GRIP1: variants seen among roughly 807,000 people sequenced by gnomAD.
The protein encoded by GRIP1 is glutamate receptor-interacting protein 1.
Under a neutral mutation model 129.9 loss-of-function variants are expected in GRIP1, and 45 were observed. The observed-to-expected ratio is 0.35, with a 90% CI of 0.27 to 0.44. The LOEUF is 0.44. Among genes scored for constraint, GRIP1 ranks in the 20% least tolerant of loss-of-function variants. The pLI is 1.00. For missense variants in GRIP1, 1,196 were observed against 1,396.8 expected (o/e 0.86, Z 2.29); for synonymous variants, 530 against 520.8 (o/e 1.02, Z -0.24).
intron 1 of GRIP1, among the ~76,000 whole-genome samples, chr12:66,826,763 T>TTTTTTTTTTTTTTTTTTTTTTTTTTTTG (rs1566041031): frequency 6.6e-6 from 1 of 152,018 alleles, no homozygotes; most frequent in African/African-American, 2.4e-5. Context: ...CACAAAATTC[T>TTTTTTTTTTTTTTTTTTTTTTTTTTTTG]AAATGCCATT....
intron 1 of GRIP1, among the ~76,000 whole-genome samples, chr12:67,068,870 C>CCAAAA (rs2043683586): frequency 9.8e-6 from 1 of 101,698 alleles, no homozygotes; most frequent in Admixed American, 9.3e-5. Context: ...CCCCCCCCCG[C>CCAAAA]AAAAAAAATG....
chr12:67,052,733 G>A (rs934026754), intron 1 of GRIP1, among the ~76,000 whole-genome samples: 55 of 144,524 alleles, frequency 3.8e-4, no homozygotes, highest in African/African-American at 1.3e-3. Flanking sequence ...GCACTCCAGC[G>A]TGGGTAACAG....
intron 1 of GRIP1, among the ~76,000 whole-genome samples, chr12:66,662,821 C>T (rs1357291263): frequency 1.3e-5 from 2 of 152,158 alleles, no homozygotes; most frequent in African/African-American, 2.4e-5. Flanking sequence ...TCGATTACTG[C>T]TCTACCCTTC....
chr12:66,392,230 A>G (rs529739089), intron 19 of GRIP1, 78 bp downstream of exon 19: 5 of 867,396 alleles, frequency 5.8e-6, no homozygotes, highest in Non-Finnish European at 9.9e-6. Context: ...TATTCTCCTC[A>G]TGGAGCAGAG....
intron 1 of GRIP1, among the ~76,000 whole-genome samples, chr12:66,724,873 T>C (rs980579982): frequency 6.6e-6 from 1 of 152,202 alleles, no homozygotes; most frequent in Non-Finnish European, 1.5e-5. Flanking sequence ...GGCTTGTCTA[T>C]ATCTGACTGC....
At chr12:66,988,297 T>C (rs2042343880) in intron 1 of GRIP1, among the ~76,000 whole-genome samples, 1 of 152,152 alleles carries the variant, frequency 6.6e-6, no homozygotes, top group African/African-American at 2.4e-5. Flanking sequence ...ATAATAATAA[T>C]AAATAAACAG....
chr12:66,566,572 T>G (rs1396577306), intron 2 of GRIP1, among the ~76,000 whole-genome samples: 1 of 152,206 alleles, frequency 6.6e-6, no homozygotes, highest in Non-Finnish European at 1.5e-5. Context: ...GATATTGGTC[T>G]AAAATTCTTT....
At chr12:66,740,938 T>C (rs1400516053) in intron 1 of GRIP1, among the ~76,000 whole-genome samples, 2 of 152,176 alleles carry the variant, frequency 1.3e-5, no homozygotes, top group Non-Finnish European at 2.9e-5. Context: ...ATATGTGATA[T>C]GGGCACATAT....
At chr12:66,629,519 A>T (rs1246304726) in intron 1 of GRIP1, among the ~76,000 whole-genome samples, 1 of 152,238 alleles carries the variant, frequency 6.6e-6, no homozygotes, top group Admixed American at 6.5e-5. Flanking sequence ...TATAATCTTG[A>T]GTCGTAATAT....
At chr12:67,050,217 T>C (rs2135846824) in intron 1 of GRIP1, among the ~76,000 whole-genome samples, 1 of 152,350 alleles carries the variant, frequency 6.6e-6, no homozygotes, top group African/African-American at 2.4e-5. Flanking sequence ...ATATTAAATC[T>C]TCACGCAACT....
intron 1 of GRIP1, among the ~76,000 whole-genome samples, chr12:66,954,393 T>C (rs2041807638): frequency 6.6e-6 from 1 of 152,180 alleles, no homozygotes; most frequent in Non-Finnish European, 1.5e-5. Context: ...TGTGTGCAAT[T>C]TCTCCTAGAA....
chr12:66,355,626 C>T (rs139378052), intron 23 of GRIP1, among the ~76,000 whole-genome samples: 231 of 152,182 alleles, frequency 1.5e-3, no homozygotes, highest in Non-Finnish European at 2.9e-3. Flanking sequence ...TAGGTTCACA[C>T]TGTGTGGTTG....
In GRIP1 at chr12:67,018,346, G is replaced by A. The variant is rs140936745; in HGVS notation, c.58+50704C>T. Among the ~76,000 whole-genome samples the A allele has an allele frequency of 3.3e-5, 5 of 152,208 alleles. No individual in the cohort carries two copies. The East Asian group carries it at 5.8e-4, about 18-fold the overall frequency. On this transcript the variant is annotated intron_variant, in intron 1 of 1. Coordinates refer to the GRIP1 transcript ENST00000643019. ...GGGCACTAATGTCCCTTGTGTCTGCGACTCCCATTGGTCCTACACACTCAC... is the reference window on the plus strand; with the variant it reads ...GGGCACTAATGTCCCTTGTGTCTGCAACTCCCATTGGTCCTACACACTCAC...
At chr12:66,854,496 C>T (rs2039969831) in intron 1 of GRIP1, among the ~76,000 whole-genome samples, 1 of 151,832 alleles carries the variant, frequency 6.6e-6, no homozygotes. Flanking sequence ...GGGGGCTTTG[C>T]TGGAACTAGA....
chr12:66,560,528 A>T (rs1718855092), intron 2 of GRIP1, among the ~76,000 whole-genome samples: 1 of 152,218 alleles, frequency 6.6e-6, no homozygotes, highest in Non-Finnish European at 1.5e-5. Flanking sequence ...TTGATTAGAC[A>T]TTTCTCAAAA....
At chr12:66,593,898 C>T (rs556392247) in intron 2 of GRIP1, among the ~76,000 whole-genome samples, 2 of 151,832 alleles carry the variant, frequency 1.3e-5, no homozygotes, top group Non-Finnish European at 2.9e-5. Flanking sequence ...GAAACCCCGT[C>T]TCTACTAAAA....
chr12:66,930,127 T>C lies in GRIP1; in HGVS notation c.58+138923A>G, dbSNP rs141916094. ...ACTCTTTTTTTTTTATTATTACACTTTAAGTTTTAGGGTACATGTGCACAT... is the reference window on the plus strand; with the variant it reads ...ACTCTTTTTTTTTTATTATTACACTCTAAGTTTTAGGGTACATGTGCACAT... On this transcript the variant is annotated intron_variant, in intron 1 of 1. Coordinates refer to the GRIP1 transcript ENST00000643019. Among the ~76,000 whole-genome samples the C allele has an allele frequency of 4.3e-3, 649 of 151,470 alleles. 3 individuals are homozygous for C. The highest frequency in any genetic ancestry group is 0.014 in the African/African-American group (562 of 41,238).
chr12:66,521,772 C>G (rs926541889), intron 5 of GRIP1, among the ~76,000 whole-genome samples: 3 of 152,156 alleles, frequency 2.0e-5, no homozygotes, highest in Non-Finnish European at 2.9e-5. Context: ...GGGTGACAGA[C>G]GGCACCTGGA....
chr12:67,003,072 T>C (rs546552089), intron 1 of GRIP1, among the ~76,000 whole-genome samples: 1 of 152,248 alleles, frequency 6.6e-6, no homozygotes, highest in South Asian at 2.1e-4. Context: ...ACTGGCCTTC[T>C]TTCCTCCTGA....
Sources: allele counts gnomAD v4.1 joint callset (sites outside exome capture counted in the v4.1 genomes callset), GRCh38; gene constraint gnomAD v4.1.1; transcripts MANE v1.5; gene names NCBI Gene and HGNC (gene_info 2026-07-23, HGNC 2026-07-21).